PDGFD: variants seen among roughly 807,000 people sequenced by gnomAD.
The protein encoded by PDGFD is platelet derived growth factor D, also known as platelet-derived growth factor D.
In PDGFD, 30 loss-of-function variants were observed where a neutral mutation model predicts 44.7. The ratio of observed to expected loss-of-function variants is 0.67; its 90% CI spans 0.50 to 0.91. The LOEUF (loss-of-function observed/expected upper bound fraction) is 0.91, where lower values mean the gene tolerates loss of function less well. PDGFD is among the 40% of genes least tolerant of loss of function. The pLI is 0.00. For synonymous variants in PDGFD, 173 were observed against 168.4 expected (o/e 1.03, Z -0.21); for missense variants, 445 against 457.8 (o/e 0.97, Z 0.25).
chr11:103,936,851 G>T (rs1435634841), intron 5 of PDGFD, among the ~76,000 whole-genome samples: 1 of 150,910 alleles, frequency 6.6e-6, no homozygotes, highest in Non-Finnish European at 1.5e-5. Context: ...TTAAAGCAGG[G>T]TCTTCACTCT....
intron 1 of PDGFD, among the ~76,000 whole-genome samples, chr11:104,006,248 G>A (rs1859699910): frequency 6.6e-6 from 1 of 152,182 alleles, no homozygotes; most frequent in Admixed American, 6.5e-5. Context: ...CAGAAATGCT[G>A]GGCACGGAAC....
rs770507589 is a variant in PDGFD at position 104,037,869 on chromosome 11, G to C, written c.125-37614C>G. On this transcript the variant is annotated intron_variant, in intron 1 of 6. Coordinates refer to ENST00000393158, the MANE Select transcript of PDGFD (RefSeq NM_025208.5). ...CCATCGATTTGAAGAAAAATGTGCT[G>C]GTCATCGGCACCACTGGCACGCAGA... 4 of 1,614,044 alleles carry C rather than the reference G, an allele frequency of 2.5e-6. No homozygotes were observed. The African/African-American group carries it at 4.0e-5, about 16-fold the overall frequency.
At chr11:103,955,739 G>A (rs1218741150) in intron 3 of PDGFD, among the ~76,000 whole-genome samples, 2 of 152,132 alleles carry the variant, frequency 1.3e-5, no homozygotes, top group Admixed American at 6.6e-5. Context: ...ATGTTTCTTA[G>A]AGTTACAAGA....
intron 1 of PDGFD, among the ~76,000 whole-genome samples, chr11:104,077,356 TAGAG>T (rs1387496366): frequency 1.3e-5 from 2 of 151,890 alleles, no homozygotes; most frequent in African/African-American, 2.4e-5. Context: ...TAAGTAGAAA[TAGAG>T]AGCAAATTCT....
At chr11:104,121,086 G>C (rs972885920) in intron 1 of PDGFD, among the ~76,000 whole-genome samples, 3 of 151,968 alleles carry the variant, frequency 2.0e-5, no homozygotes, top group Non-Finnish European at 4.4e-5. Context: ...TGAAGATACA[G>C]AGTGACAGCA....
At chr11:104,098,419 G>C (rs1467650416) in intron 1 of PDGFD, among the ~76,000 whole-genome samples, 2 of 152,054 alleles carry the variant, frequency 1.3e-5, no homozygotes, top group Non-Finnish European at 2.9e-5. Context: ...ATTTGTAGTT[G>C]CTCCCATAAG....
intron 1 of PDGFD, among the ~76,000 whole-genome samples, chr11:104,081,122 G>A (rs537134959): frequency 6.6e-6 from 1 of 150,726 alleles, no homozygotes; most frequent in Non-Finnish European, 1.5e-5. Flanking sequence ...GTTTATTTTT[G>A]TTTTTTTTTA....
In PDGFD at chr11:103,921,569, A is replaced by T. The variant is rs369192100; in HGVS notation, c.987+5343T>A. 2.6e-5 allele frequency among the ~76,000 whole-genome samples: 4 copies of T among 151,846 alleles called. No individual in the cohort carries two copies. In the East Asian group the frequency reaches 7.8e-4, roughly 30 times the overall value. On this transcript the variant is annotated intron_variant, in intron 6 of 6. Coordinates refer to ENST00000393158, the MANE Select transcript of PDGFD (RefSeq NM_025208.5). ...AGGTTAAAAATATTTTAAGTTGAAA[A>T]TGCATTAATACCCCCCCATAAACCC...
chr11:104,032,261 T>C (rs1252935498), intron 1 of PDGFD, among the ~76,000 whole-genome samples: 1 of 152,190 alleles, frequency 6.6e-6, no homozygotes, highest in Non-Finnish European at 1.5e-5. Context: ...TGCTCATGAC[T>C]GTTCTGGCAC....
chr11:104,117,932 A>G (rs1454777368), intron 1 of PDGFD, among the ~76,000 whole-genome samples: 1 of 151,954 alleles, frequency 6.6e-6, no homozygotes, highest in Non-Finnish European at 1.5e-5. Context: ...CCAAAGCAAG[A>G]CTAAGCAAAG....
chr11:104,105,523 T>G (rs910870194), intron 1 of PDGFD, among the ~76,000 whole-genome samples: 2 of 152,060 alleles, frequency 1.3e-5, no homozygotes, highest in African/African-American at 4.8e-5. Context: ...CACATAAGAC[T>G]AAAAGAAAAA....
chr11:104,134,235 T>C (rs573277478), intron 1 of PDGFD, among the ~76,000 whole-genome samples: 1 of 144,850 alleles, frequency 6.9e-6, no homozygotes, highest in African/African-American at 2.6e-5. Flanking sequence ...GAGTACTATA[T>C]ACCACATAAC....
intron 1 of PDGFD, among the ~76,000 whole-genome samples, chr11:104,112,311 G>T (rs1203020562): frequency 1.3e-5 from 2 of 151,418 alleles, no homozygotes; most frequent in Non-Finnish European, 2.9e-5. Context: ...TTTCATGCTT[G>T]TTGGTTGCAT....
intron 1 of PDGFD, among the ~76,000 whole-genome samples, chr11:104,006,583 A>G (rs12363710): frequency 0.12 from 18,997 of 152,130 alleles, 1,309 homozygotes; most frequent in South Asian, 0.22. Context: ...TGGGTCTGCC[A>G]TGCCACCCTA....
intron 1 of PDGFD, among the ~76,000 whole-genome samples, chr11:104,106,865 T>C (rs1861478221): frequency 6.6e-6 from 1 of 151,908 alleles, no homozygotes; most frequent in African/African-American, 2.4e-5. Flanking sequence ...CACCTTAGCC[T>C]CGCAAGTAGC....
At chr11:104,080,969 C>A (rs1452598155) in intron 1 of PDGFD, among the ~76,000 whole-genome samples, 2 of 152,152 alleles carry the variant, frequency 1.3e-5, no homozygotes, top group African/African-American at 2.4e-5. Context: ...GGAAACAGAT[C>A]CTCCAGCTTC....
intron 1 of PDGFD, among the ~76,000 whole-genome samples, chr11:104,130,732 A>C (rs553734793): frequency 6.6e-6 from 1 of 152,268 alleles, no homozygotes; most frequent in Admixed American, 6.5e-5. Flanking sequence ...CAACATCCTC[A>C]GAGAGACCTT....
At position 104,119,209 on chromosome 11, in the gene PDGFD, TA is replaced by T. The variant is rs1436072426; in HGVS notation, c.124+44594del. 9.2e-3 allele frequency among the ~76,000 whole-genome samples: 65 copies of T among 7,082 alleles called. 26 individuals carry two copies. The highest frequency in any genetic ancestry group is 0.018 in the East Asian group (2 of 110). The allele number at this position is 7,082 out of a possible 152,430, so 4.6% of individuals were successfully genotyped here. ...TATATTGATATAATATATAATATAT[TA>T]ATATAATATATTGATATAATATATA... On this transcript the variant is annotated intron_variant, in intron 1 of 6. Transcript: ENST00000393158.
intron 3 of PDGFD, among the ~76,000 whole-genome samples, chr11:103,970,747 C>T (rs1191693505): frequency 1.3e-5 from 2 of 152,024 alleles, no homozygotes; most frequent in Non-Finnish European, 2.9e-5. Context: ...CAAAATGCAT[C>T]GCCATGAAGG....
Sources: gnomAD v4.1 joint callset for allele counts (sites outside exome capture counted in the v4.1 genomes callset) on GRCh38, gnomAD v4.1.1 for gene constraint, MANE v1.5 for transcripts, NCBI Gene and HGNC (gene_info 2026-07-23, HGNC 2026-07-21) for gene names.